The following CSMD2 variants were observed in gnomAD, a reference collection of about 807,000 sequenced individuals.
The protein encoded by CSMD2 is CUB and sushi domain-containing protein 2.
CSMD2 carries 130 observed loss-of-function variants against 398.5 expected under a neutral mutation model. The ratio of observed to expected loss-of-function variants is 0.33; its 90% CI spans 0.28 to 0.38. The LOEUF (loss-of-function observed/expected upper bound fraction) is 0.38. Ranked by LOEUF, CSMD2 falls within the 10% of genes least tolerant of loss-of-function variation. The pLI, the probability that CSMD2 is intolerant of heterozygous loss-of-function variation, is 1.00. For synonymous variants in CSMD2, 1,828 were observed against 1,908.5 expected (o/e 0.96, Z 1.10); for missense variants, 3,829 against 4,764.9 (o/e 0.80, Z 5.78).
At chr1:34,089,886 C>T (rs1049344615) in intron 1 of CSMD2, among the ~76,000 whole-genome samples, 1 of 152,154 alleles carries the variant, frequency 6.6e-6, no homozygotes, top group Non-Finnish European at 1.5e-5. Flanking sequence ...CCCCACTCCT[C>T]GTCTCCCTCC....
intron 32 of CSMD2, among the ~76,000 whole-genome samples, chr1:33,627,350 G>A (rs977739478): frequency 1.3e-5 from 2 of 152,256 alleles, no homozygotes; most frequent in South Asian, 4.2e-4. Flanking sequence ...GCACCAACTG[G>A]ACCTGCAGCC....
intron 25 of CSMD2, among the ~76,000 whole-genome samples, chr1:33,685,193 G>C (rs1316739639): frequency 2.0e-5 from 3 of 152,190 alleles, no homozygotes; most frequent in African/African-American, 2.4e-5. Context: ...AGGTAGCCAC[G>C]AGGATGAAAG....
intron 1 of CSMD2, among the ~76,000 whole-genome samples, chr1:34,160,543 G>A (rs1018651085): frequency 6.6e-5 from 10 of 152,060 alleles, no homozygotes; most frequent in Admixed American, 2.0e-4. Flanking sequence ...CTTGACCCCC[G>A]ATTTAGTCTT....
chr1:34,011,526 GT>G (rs994845586), intron 3 of CSMD2, among the ~76,000 whole-genome samples: 2 of 152,066 alleles, frequency 1.3e-5, no homozygotes, highest in African/African-American at 4.8e-5. Flanking sequence ...CACCAGTTTT[GT>G]TTATAGCTCA....
intron 22 of CSMD2, among the ~76,000 whole-genome samples, 181 bp from the exon 23 acceptor site, chr1:33,700,854 C>T (rs1438657256): frequency 1.3e-5 from 2 of 152,222 alleles, no homozygotes; most frequent in Non-Finnish European, 2.9e-5. Context: ...CAAGTTATCT[C>T]GTTTTCCCTT....
At chr1:33,887,980 A>G (rs1193876876) in intron 5 of CSMD2, among the ~76,000 whole-genome samples, 1 of 151,848 alleles carries the variant, frequency 6.6e-6, no homozygotes, top group African/African-American at 2.4e-5. Flanking sequence ...AAGCAACTAG[A>G]AAAAAAATGC....
intron 5 of CSMD2, among the ~76,000 whole-genome samples, chr1:33,848,108 C>T (rs1374004848): frequency 1.3e-5 from 2 of 152,104 alleles, no homozygotes; most frequent in African/African-American, 4.8e-5. Flanking sequence ...TCACATAGGT[C>T]CTTATATCCT....
chr1:34,068,037 T>G (rs1178727268), intron 2 of CSMD2, among the ~76,000 whole-genome samples: 1 of 152,208 alleles, frequency 6.6e-6, no homozygotes, highest in Non-Finnish European at 1.5e-5. Context: ...GCACTGGTGC[T>G]TCCTGAGACA....
At position 33,844,724 on chromosome 1, in the gene CSMD2, A is replaced by T. The variant is rs185462608; in HGVS notation, c.1033+2160T>A. Among the ~76,000 whole-genome samples the T allele has an allele frequency of 2.0e-5, 3 of 152,342 alleles. No individual in the cohort carries two copies. The East Asian group carries it at 5.8e-4, about 29-fold the overall frequency. The stretch of plus-strand genomic sequence containing the variant: ...TCCTCAACTGTAAAATGGGACGGGT[A>T]ATAGTATCTCCTTCACGCAGTTGCT... On this transcript the variant is annotated intron_variant, in intron 6 of 70. Coordinates refer to ENST00000373381, the MANE Select transcript of CSMD2 (RefSeq NM_001281956.2).
intron 3 of CSMD2, among the ~76,000 whole-genome samples, chr1:33,991,761 T>C (rs900392088): frequency 3.3e-5 from 5 of 151,844 alleles, no homozygotes; most frequent in Admixed American, 6.6e-5. Context: ...CTCAATAAAA[T>C]AGGCCTCAAA....
chr1:34,003,491 A>G (rs1178024969), intron 3 of CSMD2, among the ~76,000 whole-genome samples: 1 of 152,170 alleles, frequency 6.6e-6, no homozygotes, highest in Non-Finnish European at 1.5e-5. Context: ...ATGATCCCTA[A>G]TGGGTAATAA....
At chr1:33,641,046 G>A (rs909876673) in intron 29 of CSMD2, among the ~76,000 whole-genome samples, 4 of 152,136 alleles carry the variant, frequency 2.6e-5, no homozygotes, top group African/African-American at 9.7e-5. Flanking sequence ...AAACGCCCCT[G>A]GCCCCCACTC....
Position 33,779,221 on chromosome 1 carries a change from C to T in CSMD2, c.1664-6470G>A, listed in dbSNP as rs374969908. Among the ~76,000 whole-genome samples the T allele has an allele frequency of 3.1e-4, 47 of 151,098 alleles. No individual in the cohort carries two copies. The Middle Eastern group carries it at 0.01, about 33-fold the overall frequency. ...CTCCCACCCCAGCCTGCTCTTTGGC[C>T]ATCAGCGACCTTGAGATTTACACGG... is the stretch of plus-strand genomic sequence containing the variant. On this transcript the variant is annotated intron_variant, in intron 12 of 70. Transcript: ENST00000373381.
chr1:34,015,465 A>G (rs941071347), intron 3 of CSMD2, among the ~76,000 whole-genome samples: 5 of 152,174 alleles, frequency 3.3e-5, no homozygotes, highest in Non-Finnish European at 5.9e-5. Flanking sequence ...GAGACTAGCT[A>G]GGTGAGAGGC....
At position 33,617,574 on chromosome 1, in the gene CSMD2, G is replaced by A. The variant is rs912714852; in HGVS notation, c.5871C>T (p.Asn1957=). 13 of 1,613,992 alleles carry A rather than the reference G, an allele frequency of 8.1e-6. No individual in the cohort carries two copies. Among genetic ancestry groups the A allele is most frequent in the African/African-American group, 6.7e-5 (5 of 74,898 alleles). Residue 1957 remains asparagine (N), a synonymous_variant, in exon 38 of 71, where the codon AAC becomes AAT. Transcript: ENST00000373381. ...SSCPEPAVPS[N]GVKTGERYLV... is the part of the protein sequence containing the mutation. ...AGTAGCGCTCGCCAGTCTTCACCCC[G>A]TTACTGGGCACAGCAGGTTCCGGAC...
At chr1:33,903,716 A>C (rs1642899414) in intron 5 of CSMD2, among the ~76,000 whole-genome samples, 1 of 152,228 alleles carries the variant, frequency 6.6e-6, no homozygotes, top group Admixed American at 6.5e-5. Context: ...AGAAATACGT[A>C]AGTAAGCAAG....
chr1:33,804,912 G>C (rs1018536026), intron 10 of CSMD2: 4 of 717,012 alleles, frequency 5.6e-6, no homozygotes, highest in Admixed American at 4.0e-5. Flanking sequence ...GATCAGGATA[G>C]GGTTCTCTTC....
intron 65 of CSMD2, among the ~76,000 whole-genome samples, chr1:33,526,389 A>G (rs983719616): frequency 1.3e-5 from 2 of 152,206 alleles, no homozygotes; most frequent in Non-Finnish European, 2.9e-5. Flanking sequence ...CTCCCTGTAT[A>G]GGCTATGCCT....
chr1:33,939,523 G>A (rs1196726046), intron 3 of CSMD2, among the ~76,000 whole-genome samples: 3 of 152,120 alleles, frequency 2.0e-5, no homozygotes, highest in Non-Finnish European at 2.9e-5. Flanking sequence ...GCAATGAGAC[G>A]CAAAGACCCA....
Sources: gnomAD v4.1 joint callset for allele counts (sites outside exome capture counted in the v4.1 genomes callset) on GRCh38, gnomAD v4.1.1 for gene constraint, MANE v1.5 for transcripts, NCBI Gene and HGNC (gene_info 2026-07-23, HGNC 2026-07-21) for gene names.